The following AFG3L2 variants were observed in gnomAD, a reference collection of about 807,000 sequenced individuals.
The protein encoded by AFG3L2 is AFG3 like matrix AAA peptidase subunit 2, also known as mitochondrial inner membrane m-AAA protease component AFG3L2.
In AFG3L2, 54 loss-of-function variants were observed where a neutral mutation model predicts 94.5. The ratio of observed to expected loss-of-function variants is 0.57; its 90% CI spans 0.46 to 0.72. The LOEUF (loss-of-function observed/expected upper bound fraction) is 0.72, where lower values mean the gene tolerates loss of function less well. AFG3L2 is among the 30% of genes least tolerant of loss of function. The pLI is 0.00. For synonymous variants in AFG3L2, 377 were observed against 365.5 expected (o/e 1.03, Z -0.36); for missense variants, 754 against 994.9 (o/e 0.76, Z 3.26).
rs368594369 is a variant in AFG3L2, at chr18:12,366,981, T to C, written c.536A>G (p.Tyr179Cys). 1.1e-4 allele frequency: 174 copies of C among 1,614,112 alleles called. No homozygotes were observed. Among genetic ancestry groups the C allele is most frequent in the African/African-American group, 1.7e-4 (13 of 74,942 alleles). The change falls in exon 5 of 17, where the codon TAT becomes TGT. Residue 179 changes from tyrosine (Y) to cysteine (C), a missense_variant. Tyr to Cys is a radical substitution (Grantham distance 194, BLOSUM62 -2). Transcript: ENST00000269143. ...AATACTTACTACTCCTTTTGAAAGA[T>C]AGTTATTGACAAAGTCCTTCCAAGT... The part of the protein sequence containing the change: ...EITWKDFVNN[Y>C]LSKGVVDRLE...
At chr18:12,362,448 G>A (rs1908689086) in intron 6 of AFG3L2, among the ~76,000 whole-genome samples, 1 of 152,216 alleles carries the variant, frequency 6.6e-6, no homozygotes, top group South Asian at 2.1e-4. Flanking sequence ...TTTCAGGCCT[G>A]TCCCTCAAGA....
At chr18:12,334,647 T>C (rs1197624698) in intron 16 of AFG3L2, among the ~76,000 whole-genome samples, 1 of 152,178 alleles carries the variant, frequency 6.6e-6, no homozygotes, top group Non-Finnish European at 1.5e-5. Flanking sequence ...GTTTTACAGC[T>C]CTGCCTTTGC....
chr18:12,365,355 A>C (rs150983546), intron 5 of AFG3L2, among the ~76,000 whole-genome samples: 1 of 152,288 alleles, frequency 6.6e-6, no homozygotes, highest in Non-Finnish European at 1.5e-5. Context: ...CGCAATGACC[A>C]CTGCTTCTGA....
chr18:12,337,475 CCTG>C lies in AFG3L2; in HGVS notation c.2038_2040del (p.Gln680del). ...TAAGGTTTCTCCAATACCATGTCCC[CCTG>C]ACGTGGGAGGTCAAAGGAGATTTGC... On this transcript the variant is annotated inframe_deletion, in exon 16 of 17. Transcript: ENST00000269143. 1 of 1,614,208 alleles carries C rather than the reference CCTG, an allele frequency of 6.2e-7. No homozygotes were observed. The highest frequency in any genetic ancestry group is 8.5e-7 in the Non-Finnish European group (1 of 1,180,024).
At chr18:12,333,000 TATATA>T (rs1174067801) in intron 16 of AFG3L2, among the ~76,000 whole-genome samples, 10 of 38,982 alleles carry the variant, frequency 2.6e-4, no homozygotes, top group African/African-American at 4.1e-4. Context: ...ATATAAATTA[TATATA>T]ATATAAAATA....
At chr18:12,362,274 C>T (rs1365789421) in intron 6 of AFG3L2, among the ~76,000 whole-genome samples, 1 of 152,192 alleles carries the variant, frequency 6.6e-6, no homozygotes, top group East Asian at 1.9e-4. Flanking sequence ...ATTAATACTG[C>T]TGCTCCATTC....
intron 14 of AFG3L2, chr18:12,342,642 G>A (rs1319940232): frequency 6.6e-6 from 1 of 152,092 alleles, no homozygotes; most frequent in African/African-American, 2.4e-5. Flanking sequence ...ATTTTTCCCT[G>A]TATTTTCTCC....
At position 12,328,993 on chromosome 18, in the gene AFG3L2, C is replaced by T; in HGVS notation, c.*572G>A. 1 of 586,992 alleles carries T rather than the reference C, an allele frequency of 1.7e-6. No individual in the cohort carries two copies. The highest frequency in any genetic ancestry group is 3.0e-6 in the Non-Finnish European group (1 of 330,274). 36.4% of individuals were successfully genotyped at this position (586,992 alleles called of 1,614,324 possible). Reference sequence around the variant, plus strand: ...ACATTTTATTTTTTATGTAAAGAAGCCATATTTACATAATACATTCATATT... The same window carrying T: ...ACATTTTATTTTTTATGTAAAGAAGTCATATTTACATAATACATTCATATT... On this transcript the variant is annotated 3_prime_UTR_variant, in exon 17 of 17. Coordinates refer to ENST00000269143, the MANE Select transcript of AFG3L2 (RefSeq NM_006796.3).
At chr18:12,339,381 C>T (rs1480045914) in intron 15 of AFG3L2, among the ~76,000 whole-genome samples, 8 of 151,618 alleles carry the variant, frequency 5.3e-5, no homozygotes, top group Non-Finnish European at 1.0e-4. Context: ...GGAGAAACCC[C>T]GTCTCTACTA....
intron 9 of AFG3L2, among the ~76,000 whole-genome samples, chr18:12,354,057 G>A (rs1908407004): frequency 6.6e-6 from 1 of 151,108 alleles, no homozygotes; most frequent in South Asian, 2.1e-4. Context: ...AGGAGGAAGA[G>A]CCACTCAGCA....
At chr18:12,357,997 GAAGT>G (rs1205848840) in intron 8 of AFG3L2, among the ~76,000 whole-genome samples, 8 of 129,206 alleles carry the variant, frequency 6.2e-5, no homozygotes, top group South Asian at 2.8e-4. Context: ...TTTATCTATA[GAAGT>G]AAGACATAAA....
At chr18:12,364,190 T>C (rs1181511783) in intron 5 of AFG3L2, among the ~76,000 whole-genome samples, 3 of 152,232 alleles carry the variant, frequency 2.0e-5, no homozygotes, top group African/African-American at 7.2e-5. Flanking sequence ...AGTATTCTTC[T>C]ACAACTTTCT....
chr18:12,340,543 G>A, intron 14 of AFG3L2, 142 bp from the exon 15 acceptor site: 2 of 737,626 alleles, frequency 2.7e-6, no homozygotes, highest in Non-Finnish European at 4.9e-6. Flanking sequence ...ATGTGATCTA[G>A]CAGTGACTGC....
intron 3 of AFG3L2, among the ~76,000 whole-genome samples, chr18:12,367,831 C>T (rs1908853532): frequency 1.3e-5 from 2 of 152,106 alleles, no homozygotes. Context: ...GCAGGAGAAT[C>T]CCTTGAGCCC....
intron 8 of AFG3L2, among the ~76,000 whole-genome samples, chr18:12,357,437 T>C (rs1908528967): frequency 1.3e-5 from 2 of 152,114 alleles, no homozygotes; most frequent in South Asian, 4.1e-4. Flanking sequence ...TGTGAGGAGG[T>C]AGATAATATG....
chr18:12,370,974 A>G, intron 2 of AFG3L2, 48 bp from the exon 3 acceptor site: 1 of 1,203,814 alleles, frequency 8.3e-7, no homozygotes, highest in Non-Finnish European at 1.2e-6. Context: ...AAAATTCATC[A>G]GGTTTGTGTT....
intron 16 of AFG3L2, among the ~76,000 whole-genome samples, chr18:12,331,808 AATATATATATATATATATAT>A (rs35558132): frequency 3.4e-5 from 5 of 146,422 alleles, no homozygotes; most frequent in African/African-American, 1.3e-4. Context: ...TAAATAAATA[AATATATATATATATATATAT>A]ATATATATAT....
intron 15 of AFG3L2, among the ~76,000 whole-genome samples, chr18:12,339,647 G>C (rs769695810): frequency 9.9e-5 from 15 of 151,058 alleles, no homozygotes; most frequent in Non-Finnish European, 2.1e-4. Flanking sequence ...CAGGAGATAA[G>C]ACCATCCTGG....
Position 12,340,169 on chromosome 18 carries a change from T to C in AFG3L2, c.1980+32A>G, listed in dbSNP as rs554617477. 2.2e-5 allele frequency: 35 copies of C among 1,568,962 alleles called. No individual in the cohort carries two copies. The East Asian group carries it at 4.5e-4, about 20-fold the overall frequency. ...AATTTCTCGTGCAAATATGAATACA[T>C]GAGGAGGAAATGCACTCTTTCATAT... On this transcript the variant is annotated intron_variant, in intron 15 of 16. Transcript: ENST00000269143.
Sources: gnomAD v4.1 joint callset for allele counts (sites outside exome capture counted in the v4.1 genomes callset) on GRCh38, gnomAD v4.1.1 for gene constraint, MANE v1.5 for transcripts, NCBI Gene and HGNC (gene_info 2026-07-23, HGNC 2026-07-21) for gene names.